The following LY96 variants were observed in gnomAD, a reference collection of about 807,000 sequenced individuals.
LY96 encodes the protein lymphocyte antigen 96.
Under a neutral mutation model 18.9 loss-of-function variants are expected in LY96, and 18 were observed. That is an observed-to-expected ratio of 0.95 (90% CI 0.66 to 1.41). The LOEUF (loss-of-function observed/expected upper bound fraction) is 1.41. Ranked by LOEUF, LY96 falls within the 40% of genes most tolerant of loss-of-function variation. The pLI is 0.00. For synonymous variants in LY96, 66 were observed against 62.6 expected, an observed-to-expected ratio of 1.06 and a Z score of -0.26; for missense variants, 175 against 182.4, an observed-to-expected ratio of 0.96 and a Z score of 0.23.
At chr8:74,044,507 C>A in the LY96 span, among the ~76,000 whole-genome samples, 1 of 151,984 alleles carries the variant, frequency 6.6e-6, no homozygotes, top group Non-Finnish European at 1.5e-5. Flanking sequence ...GTAATATGTT[C>A]TTACAGCTTA....
chr8:74,003,757 C>G lies in LY96; in HGVS notation c.113-1039C>G, dbSNP rs968591640. ...TCTTCTCAGATAGTGTTTATCAAGA[C>G]TTTTCCTGGGTCTGGGCCTTGCCTG... On this transcript the variant is annotated intron_variant, in intron 1 of 4. Transcript: ENST00000284818. Among the ~76,000 whole-genome samples, 3 of 152,332 alleles carry G rather than the reference C, an allele frequency of 2.0e-5. No homozygotes were observed. The South Asian group carries it at 6.2e-4, about 32-fold the overall frequency.
chr8:74,092,342 T>C, the LY96 span, among the ~76,000 whole-genome samples: 1 of 152,078 alleles, frequency 6.6e-6, no homozygotes, highest in South Asian at 2.1e-4. Flanking sequence ...ACAGGGAAAA[T>C]GAGTACATGG....
At chr8:74,063,634 A>G in the LY96 span, among the ~76,000 whole-genome samples, 1 of 152,130 alleles carries the variant, frequency 6.6e-6, no homozygotes, top group Admixed American at 6.6e-5. Context: ...AAGTTTTTCT[A>G]TACATGATTA....
At chr8:74,040,053 G>A in the LY96 span, among the ~76,000 whole-genome samples, 1 of 152,168 alleles carries the variant, frequency 6.6e-6, no homozygotes, top group South Asian at 2.1e-4. Context: ...CCCTTATGCG[G>A]GCGTGACAGA....
the LY96 span, among the ~76,000 whole-genome samples, chr8:74,060,222 C>T: frequency 6.6e-6 from 1 of 152,164 alleles, no homozygotes; most frequent in Non-Finnish European, 1.5e-5. Flanking sequence ...GAAAAAAATA[C>T]CATTAACAAA....
intron 1 of LY96, 115 bp downstream of exon 1, chr8:73,991,669 G>GTA: frequency 2.9e-6 from 2 of 694,032 alleles, no homozygotes; most frequent in Non-Finnish European, 5.2e-6. Flanking sequence ...TGTTCCAGCT[G>GTA]CTGTGGCGGA....
chr8:74,090,173 C>G, the LY96 span, among the ~76,000 whole-genome samples: 1 of 152,060 alleles, frequency 6.6e-6, no homozygotes, highest in African/African-American at 2.4e-5. Context: ...TAAGGAGACC[C>G]CTGCAATCAT....
chr8:74,098,309 T>A, the LY96 span, among the ~76,000 whole-genome samples: 1 of 152,154 alleles, frequency 6.6e-6, no homozygotes, highest in Non-Finnish European at 1.5e-5. Flanking sequence ...ATGTCCCTTA[T>A]GGTGCAAGCT....
At chr8:74,029,942 GCCCAACCTAAA>G (rs746788784), downstream of LY96, among the ~76,000 whole-genome samples, 43 of 152,274 alleles carry the variant, frequency 2.8e-4, no homozygotes, top group Non-Finnish European at 5.0e-4. Flanking sequence ...GAGCCACTGC[GCCCAACCTAAA>G]CCTCTTTCCT....
intron 1 of LY96, among the ~76,000 whole-genome samples, chr8:73,994,492 G>A (rs1032095153): frequency 6.6e-6 from 1 of 151,916 alleles, no homozygotes; most frequent in Non-Finnish European, 1.5e-5. Flanking sequence ...GCATCTAAGT[G>A]TATGTTTTTT....
At chr8:74,015,821 A>T (rs1816630191) in intron 3 of LY96, among the ~76,000 whole-genome samples, 1 of 152,218 alleles carries the variant, frequency 6.6e-6, no homozygotes, top group Non-Finnish European at 1.5e-5. Context: ...GCCCTGCCTC[A>T]GTTCCCTCTT....
the LY96 span, among the ~76,000 whole-genome samples, chr8:74,051,895 A>G: frequency 6.6e-6 from 1 of 152,168 alleles, no homozygotes; most frequent in Non-Finnish European, 1.5e-5. Flanking sequence ...CATACATACT[A>G]AGACAGTGGG....
the LY96 span, among the ~76,000 whole-genome samples, chr8:74,080,308 A>G: frequency 3.3e-5 from 5 of 152,298 alleles, no homozygotes; most frequent in East Asian, 9.7e-4. Flanking sequence ...CCAAGCCCTG[A>G]GTACCTCATC....
At chr8:74,094,795 G>T in the LY96 span, among the ~76,000 whole-genome samples, 6 of 152,270 alleles carry the variant, frequency 3.9e-5, no homozygotes, top group African/African-American at 1.2e-4. Context: ...TACTGTTCAG[G>T]AATTTTAAGG....
At chr8:73,996,372 C>CCTTCATTTATTTCTTT (rs1816135382) in intron 1 of LY96, among the ~76,000 whole-genome samples, 6 of 110,910 alleles carry the variant, frequency 5.4e-5, no homozygotes, top group Admixed American at 9.4e-5. Flanking sequence ...TTCCTTCATT[C>CCTTCATTTATTTCTTT]CTTTCTTTCT....
the LY96 span, among the ~76,000 whole-genome samples, chr8:74,061,012 G>A: frequency 6.6e-6 from 1 of 152,182 alleles, no homozygotes. Context: ...CTCTGTTTGT[G>A]TTCACAGGTA....
the LY96 span, among the ~76,000 whole-genome samples, chr8:74,093,266 C>T: frequency 6.6e-6 from 1 of 152,220 alleles, no homozygotes; most frequent in South Asian, 2.1e-4. Context: ...TACTGTTGCA[C>T]TGTTCATGTC....
chr8:74,024,160 C>T (rs1234303433), intron 3 of LY96, among the ~76,000 whole-genome samples: 3 of 152,036 alleles, frequency 2.0e-5, no homozygotes, highest in African/African-American at 7.2e-5. Context: ...TGCTAGGTGC[C>T]AGATATCCAA....
At chr8:74,091,615 G>T in the LY96 span, among the ~76,000 whole-genome samples, 1 of 152,150 alleles carries the variant, frequency 6.6e-6, no homozygotes, top group Admixed American at 6.5e-5. Context: ...TCTGCTAGCG[G>T]ACCTGTAAAA....
Sources: gnomAD v4.1 joint callset for allele counts (sites outside exome capture counted in the v4.1 genomes callset) on GRCh38, gnomAD v4.1.1 for gene constraint, MANE v1.5 for transcripts, NCBI Gene and HGNC (gene_info 2026-07-23, HGNC 2026-07-21) for gene names.